The following MYT1L variants were observed in gnomAD, a reference collection of about 807,000 sequenced individuals.
MYT1L encodes the protein myelin transcription factor 1 like.
Under a neutral mutation model 126.7 loss-of-function variants are expected in MYT1L, and 12 were observed. The ratio of observed to expected loss-of-function variants is 0.09; its 90% CI spans 0.06 to 0.15. The LOEUF is 0.15. Among genes scored for constraint, MYT1L ranks in the 10% least tolerant of loss-of-function variants. The probability of loss-of-function intolerance (pLI) is 1.00; values close to 1 mark genes in which losing one functional copy is unlikely to be tolerated. For synonymous variants in MYT1L, 541 were observed against 604.2 expected, an observed-to-expected ratio of 0.90 and a Z score of 1.53; for missense variants, 979 against 1,585.2, an observed-to-expected ratio of 0.62 and a Z score of 6.49.
chr2:1,979,023 G>A lies in MYT1L; in HGVS notation c.152+142C>T. 1.5e-6 allele frequency: 1 copy of A among 676,252 alleles called. No individual in the cohort carries two copies. The highest frequency in any genetic ancestry group is 2.6e-6 in the Non-Finnish European group (1 of 387,824). 41.9% of individuals were successfully genotyped at this position (676,252 alleles called of 1,614,324 possible). ...AGAACCCTTTCAAGAGACAAAGACT[G>A]AGTTCCAGTGTGAGAAGAAAAAGAA... On this transcript the variant is annotated intron_variant, in intron 8 of 24. Coordinates refer to ENST00000647738, the MANE Select transcript of MYT1L (RefSeq NM_001303052.2). The surrounding 1 kb of genome is among the most constrained non-coding windows in gnomAD (Gnocchi z 4.0).
intron 23 of MYT1L, among the ~76,000 whole-genome samples, chr2:1,799,366 C>A (rs56092019): frequency 6.6e-6 from 1 of 152,280 alleles, no homozygotes; most frequent in East Asian, 1.9e-4. Context: ...TAGGCACATG[C>A]GTTGTTCTTT....
chr2:2,169,360 T>C (rs1391814726), intron 3 of MYT1L, among the ~76,000 whole-genome samples: 3 of 152,186 alleles, frequency 2.0e-5, no homozygotes, highest in African/African-American at 7.2e-5. Flanking sequence ...CAATACTACC[T>C]TAAAGATACA....
intron 3 of MYT1L, among the ~76,000 whole-genome samples, chr2:2,156,285 C>A (rs1037748518): frequency 6.6e-6 from 1 of 152,174 alleles, no homozygotes; most frequent in African/African-American, 2.4e-5. Context: ...TGACTTCTTA[C>A]ACTTTTAGTT....
intron 4 of MYT1L, among the ~76,000 whole-genome samples, chr2:2,008,703 TTTTTG>T (rs1300596558): frequency 2.0e-5 from 3 of 152,190 alleles, no homozygotes; most frequent in Admixed American, 6.5e-5. Flanking sequence ...CATTTATTTA[TTTTTG>T]TTTTGTCATT....
intron 18 of MYT1L, among the ~76,000 whole-genome samples, chr2:1,863,880 G>A (rs1034393828): frequency 2.0e-5 from 3 of 152,194 alleles, no homozygotes; most frequent in Admixed American, 1.3e-4. Flanking sequence ...TAAATGTCTT[G>A]GGACTCCCTC....
At chr2:1,872,926 A>AAG (rs1247844082) in intron 18 of MYT1L, among the ~76,000 whole-genome samples, 1 of 129,436 alleles carries the variant, frequency 7.7e-6, no homozygotes, top group African/African-American at 3.7e-5. Flanking sequence ...AGATGGGGAA[A>AAG]ACAGAGGTTA....
In MYT1L at chr2:2,059,977, C is replaced by G. The variant is rs2070178131; in HGVS notation, c.-303-5854G>C. Among the ~76,000 whole-genome samples, 1 of 152,188 alleles carries G rather than the reference C, an allele frequency of 6.6e-6. No homozygotes were observed. Among genetic ancestry groups the G allele is most frequent in the African/African-American group, 2.4e-5 (1 of 41,446 alleles). The stretch of plus-strand genomic sequence containing the variant: ...GAGCTCGTCAGGGCAGGGGACAGAG[C>G]CCATTAGATTCTAAACCCCAGAACT... On this transcript the variant is annotated intron_variant, in intron 3 of 24. Coordinates refer to ENST00000647738, the MANE Select transcript of MYT1L (RefSeq NM_001303052.2). The surrounding 1 kb of genome is among the most constrained non-coding windows in gnomAD (Gnocchi z 4.7).
chr2:1,808,031 C>T (rs1025426452), intron 22 of MYT1L, among the ~76,000 whole-genome samples: 3 of 152,118 alleles, frequency 2.0e-5, no homozygotes, highest in Admixed American at 6.5e-5. Flanking sequence ...TCTCTCCTGC[C>T]GCCATGTGAA....
intron 19 of MYT1L, among the ~76,000 whole-genome samples, chr2:1,843,217 C>T (rs111694044): frequency 0.039 from 5,955 of 152,344 alleles, 389 homozygotes; most frequent in African/African-American, 0.14. Flanking sequence ...GCTGTCCTCA[C>T]AGTGCGGCCG....
rs1480728351 is a variant in MYT1L at position 1,887,752 on chromosome 2, G to A, written c.2521-143C>T. The A allele has an allele frequency of 8.3e-6, 8 of 964,386 alleles. No homozygotes were observed. The highest frequency in any genetic ancestry group is 9.4e-6 in the Non-Finnish European group (6 of 640,364). The allele number at this position is 964,386 out of a possible 1,614,324, so 59.7% of individuals were successfully genotyped here. A position where few individuals can be genotyped will look rare whatever the true frequency, so the allele number is the denominator to read the frequency against. On this transcript the variant is annotated intron_variant, in intron 16 of 24. Coordinates refer to ENST00000647738, the MANE Select transcript of MYT1L (RefSeq NM_001303052.2). The surrounding 1 kb of genome is among the most constrained non-coding windows in gnomAD (Gnocchi z 4.8). ...TTAAGATCCTTTTGGTCCTGATAAC[G>A]CCCCTACTGAAAATGCATATTGAAC...
At chr2:1,989,929 C>T (rs531375140) in intron 5 of MYT1L, among the ~76,000 whole-genome samples, 32 of 152,092 alleles carry the variant, frequency 2.1e-4, no homozygotes, top group African/African-American at 5.8e-4. Context: ...ACCTGGGAGG[C>T]GGGGGTTGCA....
intron 2 of MYT1L, among the ~76,000 whole-genome samples, chr2:2,175,774 A>G (rs1572147548): frequency 6.6e-6 from 1 of 152,226 alleles, no homozygotes; most frequent in Non-Finnish European, 1.5e-5. Context: ...TAATGGCTGG[A>G]GAGGACAGCA....
chr2:1,960,538 T>G (rs984346877), intron 8 of MYT1L, among the ~76,000 whole-genome samples: 40 of 152,194 alleles, frequency 2.6e-4, no homozygotes, highest in Admixed American at 1.7e-3. Flanking sequence ...TGAAGGAAAA[T>G]AAGACTGATA....
intron 14 of MYT1L, among the ~76,000 whole-genome samples, chr2:1,892,982 A>C (rs916171341): frequency 2.6e-5 from 4 of 152,156 alleles, no homozygotes; most frequent in African/African-American, 9.7e-5. Flanking sequence ...GCTCAGGATA[A>C]ATGTCGAAAC....
At chr2:2,169,357 A>G (rs1301057261) in intron 3 of MYT1L, among the ~76,000 whole-genome samples, 1 of 152,170 alleles carries the variant, frequency 6.6e-6, no homozygotes, top group East Asian at 1.9e-4. Flanking sequence ...GTACAATACT[A>G]CCTTAAAGAT....
intron 8 of MYT1L, among the ~76,000 whole-genome samples, chr2:1,964,108 G>A (rs11690447): frequency 0.21 from 31,575 of 152,058 alleles, 3,365 homozygotes; most frequent in East Asian, 0.31. Flanking sequence ...TTGTAGAGTT[G>A]TTAATTGGCC....
chr2:1,921,877 T>G (rs1420403975), intron 10 of MYT1L, among the ~76,000 whole-genome samples: 1 of 152,198 alleles, frequency 6.6e-6, no homozygotes, highest in Non-Finnish European at 1.5e-5. Flanking sequence ...CAATCCAATT[T>G]ATAAAATGTG....
intron 3 of MYT1L, among the ~76,000 whole-genome samples, chr2:2,075,643 A>T (rs937629570): frequency 6.6e-6 from 1 of 152,258 alleles, no homozygotes; most frequent in African/African-American, 2.4e-5. Context: ...AGATTATGTT[A>T]TTCAACTACA....
chr2:2,211,803 C>G, intron 2 of MYT1L, among the ~76,000 whole-genome samples: 1 of 59,766 alleles, frequency 1.7e-5, no homozygotes, highest in African/African-American at 6.2e-5. Context: ...GACTCCATGT[C>G]AAAAAAAAAA....
Sources: gnomAD v4.1 joint callset for allele counts (sites outside exome capture counted in the v4.1 genomes callset) on GRCh38, gnomAD v4.1.1 for gene constraint, Gnocchi (gnomAD v3.1) non-coding constraint, MANE v1.5 for transcripts, NCBI Gene and HGNC (gene_info 2026-07-23, HGNC 2026-07-21) for gene names.